Variants in THAP4 observed in about 807,000 individuals in gnomAD.
THAP4 encodes the protein peroxynitrite isomerase THAP4.
Under a neutral mutation model 48.1 loss-of-function variants are expected in THAP4, and 18 were observed. The ratio of observed to expected loss-of-function variants is 0.37; its 90% CI spans 0.26 to 0.56. The LOEUF is 0.56. Among genes scored for constraint, THAP4 ranks in the 20% least tolerant of loss-of-function variants. The pLI is 0.78. For synonymous variants in THAP4, 345 were observed against 324.9 expected (o/e 1.06, Z -0.66); for missense variants, 656 against 774.9 (o/e 0.85, Z 1.82).
chr2:241,617,343 A>G (rs2067360662), intron 2 of THAP4: 3 of 1,223,548 alleles, frequency 2.5e-6, no homozygotes, highest in Non-Finnish European at 3.5e-6. Flanking sequence ...CACAAAAACA[A>G]AAATTTAAAT....
chr2:241,589,873 A>T (rs1215028863), intron 5 of THAP4, among the ~76,000 whole-genome samples: 1 of 152,158 alleles, frequency 6.6e-6, no homozygotes, highest in East Asian at 1.9e-4. Context: ...ATGCAGCAGA[A>T]CTGCTGAATC....
At chr2:241,595,951 G>A (rs1447455668) in intron 5 of THAP4, among the ~76,000 whole-genome samples, 3 of 152,210 alleles carry the variant, frequency 2.0e-5, no homozygotes, top group Non-Finnish European at 2.9e-5. Flanking sequence ...ATGCGATGCT[G>A]GGCAATGGAG....
chr2:241,614,203 C>T (rs985061337), intron 2 of THAP4, among the ~76,000 whole-genome samples: 1 of 151,466 alleles, frequency 6.6e-6, no homozygotes, highest in Non-Finnish European at 1.5e-5. Flanking sequence ...AAAGCAAGAC[C>T]CTCACCTCTT....
chr2:241,624,052 TACTC>T (rs1037172132), intron 2 of THAP4, among the ~76,000 whole-genome samples: 10 of 152,298 alleles, frequency 6.6e-5, no homozygotes, highest in Non-Finnish European at 1.5e-4. Flanking sequence ...GGTCCCAGGT[TACTC>T]ACAGCCTCTG....
intron 2 of THAP4, among the ~76,000 whole-genome samples, chr2:241,625,503 AAAAG>A: frequency 6.6e-6 from 1 of 151,194 alleles, no homozygotes; most frequent in African/African-American, 2.4e-5. Flanking sequence ...AAAAAAAGGA[AAAAG>A]GAAAAAGAGT....
intron 2 of THAP4, among the ~76,000 whole-genome samples, chr2:241,620,672 G>T (rs1228099991): frequency 6.6e-6 from 1 of 151,786 alleles, no homozygotes; most frequent in Admixed American, 6.6e-5. Flanking sequence ...GACTGAGGCA[G>T]TGACTGCGGC....
At chr2:241,615,407 A>C (rs1331476591) in intron 2 of THAP4, among the ~76,000 whole-genome samples, 1 of 152,220 alleles carries the variant, frequency 6.6e-6, no homozygotes, top group Non-Finnish European at 1.5e-5. Flanking sequence ...AAAAAAACTA[A>C]AAGCATTTTA....
chr2:241,604,951 CA>C (rs2067160756), intron 3 of THAP4, among the ~76,000 whole-genome samples: 1 of 152,156 alleles, frequency 6.6e-6, no homozygotes, highest in Non-Finnish European at 1.5e-5. Context: ...ACATTTATAC[CA>C]TATTCTAGGA....
intron 1 of THAP4, among the ~76,000 whole-genome samples, chr2:241,636,684 G>A (rs1002045056): frequency 6.6e-6 from 1 of 152,104 alleles, no homozygotes; most frequent in Admixed American, 6.5e-5. Context: ...TGCGGCTTCT[G>A]AAGCCTAGGC....
At chr2:241,608,541 A>G (rs1224752423) in intron 2 of THAP4, among the ~76,000 whole-genome samples, 1 of 152,132 alleles carries the variant, frequency 6.6e-6, no homozygotes, top group African/African-American at 2.4e-5. Context: ...TTTCGTTGCA[A>G]TCTTTCACGG....
chr2:241,594,511 G>A, intron 5 of THAP4: 1 of 257,948 alleles, frequency 3.9e-6, no homozygotes, highest in South Asian at 4.4e-5. Context: ...TACTGCTTGA[G>A]TTCAGGAGTT....
chr2:241,629,560 G>A (rs2067533101), intron 2 of THAP4, among the ~76,000 whole-genome samples: 1 of 151,694 alleles, frequency 6.6e-6, no homozygotes, highest in Non-Finnish European at 1.5e-5. Context: ...AATTAAAAAG[G>A]TAGGCCCGAA....
chr2:241,628,925 C>CTAA (rs2067526463), intron 2 of THAP4, among the ~76,000 whole-genome samples: 1 of 64,348 alleles, frequency 1.6e-5, no homozygotes, highest in Non-Finnish European at 2.9e-5. Context: ...GAGATTGTCT[C>CTAA]AAAAAAAAAA....
chr2:241,609,646 G>C (rs1374474318), intron 2 of THAP4, among the ~76,000 whole-genome samples: 1 of 152,194 alleles, frequency 6.6e-6, no homozygotes, highest in African/African-American at 2.4e-5. Flanking sequence ...AATTAGCCGG[G>C]CGTGGTGGCA....
In THAP4 at chr2:241,632,942, T is replaced by G; in HGVS notation, c.1215A>C (p.Pro405=). 1 of 1,607,244 alleles carries G rather than the reference T, an allele frequency of 6.2e-7. No homozygotes were observed. Among genetic ancestry groups the G allele is most frequent in the South Asian group, 1.1e-5 (1 of 90,434 alleles). Residue 405 remains proline, a synonymous_variant, in exon 2 of 6, where the codon CCA becomes CCC. Transcript: ENST00000407315. ...CGCGGCTGGGCGACAGCAGGCTACT[T>G]GGATAGGGGACGCTCACTCTCCTCA... ...DELRRVSVPY[P]SSLLSPSREP...
At chr2:241,622,595 C>A (rs34143604) in intron 2 of THAP4, among the ~76,000 whole-genome samples, 67,498 of 149,964 alleles carry the variant, frequency 0.45, 15,520 homozygotes, top group East Asian at 0.69. Flanking sequence ...AGAAAACAAA[C>A]AAAAAAAAAG....
At chr2:241,634,276 C>T (rs546239235) in intron 1 of THAP4, among the ~76,000 whole-genome samples, 197 bp from the exon 2 acceptor site, 18 of 152,244 alleles carry the variant, frequency 1.2e-4, no homozygotes, top group African/African-American at 3.4e-4. Context: ...CTGAAAGACC[C>T]GTTGTCTACC....
chr2:241,617,145 A>G (rs557368140), intron 2 of THAP4, among the ~76,000 whole-genome samples: 1 of 152,322 alleles, frequency 6.6e-6, no homozygotes, highest in South Asian at 2.1e-4. Flanking sequence ...TGTGACCTCA[A>G]TATCTGTGTA....
intron 5 of THAP4, among the ~76,000 whole-genome samples, chr2:241,594,153 ACAGT>A (rs1250386603): frequency 6.6e-6 from 1 of 152,226 alleles, no homozygotes; most frequent in African/African-American, 2.4e-5. Flanking sequence ...ACACTAAGTG[ACAGT>A]CTATGGCCCC....
Sources: gnomAD v4.1 joint callset for allele counts (sites outside exome capture counted in the v4.1 genomes callset) on GRCh38, gnomAD v4.1.1 for gene constraint, MANE v1.5 for transcripts, NCBI Gene and HGNC (gene_info 2026-07-23, HGNC 2026-07-21) for gene names.